The following TEX11 variants were observed in gnomAD, a reference collection of about 807,000 sequenced individuals.
TEX11 encodes testis expressed 11, also known as testis-expressed protein 11.
Under a neutral mutation model 84.4 loss-of-function variants are expected in TEX11, and 7 were observed. The observed-to-expected ratio is 0.08, with a 90% CI of 0.05 to 0.16. The LOEUF (loss-of-function observed/expected upper bound fraction) is 0.16. TEX11 is among the 10% of genes least tolerant of loss of function. The pLI is 1.00. For synonymous variants in TEX11, 264 were observed against 222.8 expected (o/e 1.18, Z -1.64); for missense variants, 551 against 660.5 (o/e 0.83, Z 1.82).
At chrX:70,653,869 A>G (rs2089835277) in intron 16 of TEX11, among the ~76,000 whole-genome samples, 1 of 112,102 alleles carries the variant, frequency 8.9e-6, no homozygotes, top group Non-Finnish European at 1.9e-5. Flanking sequence ...AAAATTAACT[A>G]CCAACCCATA....
Position 70,640,494 on chromosome X carries a change from A to T in TEX11, c.1484-10759T>A, listed in dbSNP as rs766192622. Among the ~76,000 whole-genome samples the T allele has an allele frequency of 1.5e-3, 170 of 110,495 alleles. 1 individual carries two copies. Among genetic ancestry groups the T allele is most frequent in the African/African-American group, 5.5e-3 (166 of 30,429 alleles). The stretch of plus-strand genomic sequence containing the variant: ...AGATTCACCAAAGTTGAAATGAAGG[A>T]AAAAATGTTAAGTGCAGCCAGAGAG... On this transcript the variant is annotated intron_variant, in intron 17 of 29. Coordinates refer to ENST00000374333, the MANE Select transcript of TEX11 (RefSeq NM_031276.3).
rs1167182936 is a variant in TEX11, at chrX:70,792,287, C to CAAAA, written c.692+14414_692+14417dup. 6.6e-3 allele frequency among the ~76,000 whole-genome samples: 12 copies of CAAAA among 1,810 alleles called. 3 individuals are homozygous for CAAAA. The highest frequency in any genetic ancestry group is 0.016 in the Non-Finnish European group (9 of 559). 1.6% of individuals were successfully genotyped at this position (1,810 alleles called of 115,157 possible). ...TGAGCTACAGGGCAAGGCTCTGTCT[C>CAAAA]AAAAAAAAAAAAAAAAAAAAAAAAA... On this transcript the variant is annotated intron_variant, in intron 9 of 29. Transcript: ENST00000374333.
At chrX:70,855,784 CG>C in intron 5 of TEX11, among the ~76,000 whole-genome samples, 1 of 109,953 alleles carries the variant, frequency 9.1e-6, no homozygotes, top group East Asian at 2.9e-4. Flanking sequence ...CAAATGGGCA[CG>C]AAAAATGAGC....
intron 25 of TEX11, among the ~76,000 whole-genome samples, chrX:70,561,017 A>C (rs1295964509): frequency 9.8e-6 from 1 of 101,552 alleles, no homozygotes; most frequent in African/African-American, 3.7e-5. Flanking sequence ...TCAAAGTGCT[A>C]GGATTATAGT....
At chrX:70,725,220 G>A (rs1486705421) in intron 12 of TEX11, 42 bp downstream of exon 12, 1 of 914,883 alleles carries the variant, frequency 1.1e-6, no homozygotes, top group East Asian at 3.1e-5. Context: ...AAATTGTAGT[G>A]ATGTTTCAAA....
chrX:70,834,837 A>G (rs138542388), intron 7 of TEX11, among the ~76,000 whole-genome samples: 208 of 110,461 alleles, frequency 1.9e-3, no homozygotes, highest in African/African-American at 6.5e-3. Context: ...ATAAAGTACT[A>G]CACTTGCTAT....
chrX:70,664,797 T>C (rs1603206128), intron 16 of TEX11, among the ~76,000 whole-genome samples: 1 of 104,182 alleles, frequency 9.6e-6, no homozygotes, highest in Admixed American at 1.0e-4. Flanking sequence ...AGTGGTTTTT[T>C]TTTTTTGCAT....
intron 7 of TEX11, among the ~76,000 whole-genome samples, chrX:70,836,047 C>G (rs1381000661): frequency 2.0e-5 from 2 of 101,682 alleles, no homozygotes; most frequent in African/African-American, 7.3e-5. Flanking sequence ...ACCCGGGAAG[C>G]AGAGGCTGCA....
intron 17 of TEX11, among the ~76,000 whole-genome samples, chrX:70,648,482 A>T (rs1232030387): frequency 9.0e-6 from 1 of 111,102 alleles, no homozygotes; most frequent in Non-Finnish European, 1.9e-5. Flanking sequence ...TTTATTTGCC[A>T]ATTAAAAAAA....
At chrX:70,586,974 G>A (rs111370195) in intron 25 of TEX11, among the ~76,000 whole-genome samples, 12,623 of 111,681 alleles carry the variant, frequency 0.11, 606 homozygotes, top group Middle Eastern at 0.19. Flanking sequence ...ATCTCACATG[G>A]AGATGAGGAA....
intron 4 of TEX11, 125 bp from the exon 5 acceptor site, chrX:70,861,061 C>CT (rs11363600): frequency 0.013 from 2,970 of 230,707 alleles, 2 homozygotes; most frequent in Middle Eastern, 0.019. Context: ...TTGTAAAGGC[C>CT]TTTTTTTTTT....
intron 12 of TEX11, among the ~76,000 whole-genome samples, chrX:70,723,824 G>C (rs2090579492): frequency 9.0e-6 from 1 of 111,603 alleles, no homozygotes; most frequent in African/African-American, 3.2e-5. Flanking sequence ...CCAGCAGTTA[G>C]GCTGACCATT....
At chrX:70,859,742 G>A (rs1344506710) in intron 5 of TEX11, among the ~76,000 whole-genome samples, 2 of 111,270 alleles carry the variant, frequency 1.8e-5, no homozygotes, top group South Asian at 3.8e-4. Flanking sequence ...TAGGCCAGGC[G>A]CAGTGGCTCA....
intron 8 of TEX11, among the ~76,000 whole-genome samples, chrX:70,828,032 T>C (rs1206020314): frequency 1.8e-5 from 2 of 111,913 alleles, no homozygotes; most frequent in Non-Finnish European, 3.8e-5. Flanking sequence ...AGGAGTACCC[T>C]TTATGGGTCT....
At chrX:70,648,660 C>A (rs2014681482) in intron 17 of TEX11, among the ~76,000 whole-genome samples, 2 of 110,913 alleles carry the variant, frequency 1.8e-5, no homozygotes, top group Admixed American at 9.6e-5. Flanking sequence ...ATGCTAATGC[C>A]ACAGTAAAAC....
At chrX:70,685,312 G>A (rs1256757528) in intron 13 of TEX11, among the ~76,000 whole-genome samples, 1 of 111,971 alleles carries the variant, frequency 8.9e-6, no homozygotes, top group Non-Finnish European at 1.9e-5. Flanking sequence ...GTTGCAGTGA[G>A]CCAAGATCAT....
chrX:70,567,656 T>C (rs1212224719), intron 25 of TEX11, among the ~76,000 whole-genome samples: 2 of 111,799 alleles, frequency 1.8e-5, no homozygotes, highest in African/African-American at 6.5e-5. Flanking sequence ...CTTCGTTTTG[T>C]TATGTACCCA....
chrX:70,518,858 T>G, the TEX11 span, among the ~76,000 whole-genome samples: 2 of 112,361 alleles, frequency 1.8e-5, 1 homozygote, highest in Middle Eastern at 9.2e-3. Context: ...TTGATCCCTT[T>G]ACCATTATGT....
chrX:70,730,468 C>A (rs2090638208), intron 11 of TEX11, among the ~76,000 whole-genome samples: 1 of 111,558 alleles, frequency 9.0e-6, no homozygotes, highest in South Asian at 3.8e-4. Context: ...ATCTACCAAG[C>A]AAATGGAAAA....
Sources: gnomAD v4.1 joint callset for allele counts (sites outside exome capture counted in the v4.1 genomes callset) on GRCh38, gnomAD v4.1.1 for gene constraint, MANE v1.5 for transcripts, NCBI Gene and HGNC (gene_info 2026-07-23, HGNC 2026-07-21) for gene names.